WNK1: variants seen among roughly 807,000 people sequenced by gnomAD.
The protein encoded by WNK1 is serine/threonine-protein kinase WNK1.
WNK1 carries 38 observed loss-of-function variants against 222.8 expected under a neutral mutation model. That is an observed-to-expected ratio of 0.17 (90% CI 0.13 to 0.22). WNK1 has a LOEUF of 0.22. WNK1 is among the 10% of genes least tolerant of loss of function. The probability of loss-of-function intolerance (pLI) is 1.00; values close to 1 mark genes in which losing one functional copy is unlikely to be tolerated. For synonymous variants in WNK1, 1,090 were observed against 1,092.9 expected, an observed-to-expected ratio of 1.00 and a Z score of 0.05; for missense variants, 2,348 against 2,918.4, an observed-to-expected ratio of 0.80 and a Z score of 4.50.
intron 20 of WNK1, 113 bp from the exon 21 acceptor site, chr12:889,027 T>C: frequency 1.2e-6 from 1 of 842,512 alleles, no homozygotes; most frequent in Non-Finnish European, 2.1e-6. Flanking sequence ...TAAAGACAAA[T>C]GTTATGTTGT....
chr12:908,735 C>T lies in WNK1; in HGVS notation c.7092C>T (p.Ile2364=). 1 of 1,613,836 alleles carries T rather than the reference C, an allele frequency of 6.2e-7. No homozygotes were observed. The highest frequency in any genetic ancestry group is 8.5e-7 in the Non-Finnish European group (1 of 1,179,998). ...VGTASLQNFN[I]SNLQKSISNP... is the part of the protein sequence containing the mutation. The stretch of plus-strand genomic sequence containing the variant: ...CTGCCTCCTTGCAGAATTTCAACAT[C>T]AGCAATTTGCAGAAATCCATCAGCA... Residue 2364 remains isoleucine (I), a synonymous_variant, in exon 28 of 28, where the codon ATC becomes ATT. Coordinates refer to ENST00000315939, the MANE Select transcript of WNK1 (RefSeq NM_018979.4).
chr12:843,137 G>T (rs1265903580), intron 4 of WNK1, among the ~76,000 whole-genome samples: 1 of 152,024 alleles, frequency 6.6e-6, no homozygotes, highest in African/African-American at 2.4e-5. Flanking sequence ...GGGTTTTACC[G>T]TGTTAGTCAG....
In WNK1 at chr12:862,218, C is replaced by T. The variant is rs1188719384; in HGVS notation, c.2087C>T (p.Ser696Phe). 1 of 1,614,004 alleles carries T rather than the reference C, an allele frequency of 6.2e-7. No homozygotes were observed. Among genetic ancestry groups the T allele is most frequent in the Non-Finnish European group, 8.5e-7 (1 of 1,180,004 alleles). The change falls in exon 8 of 28, where the codon TCT becomes TTT. Residue 696 changes from serine to phenylalanine, a missense_variant. Transcript: ENST00000315939. ...GGCACAGTCCCAGGGCATATACCTT[C>T]TACTGTCCAAGCACAGTCTCAGCCC... ...STGTVPGHIP[S>F]TVQAQSQPHG... is the part of the protein sequence containing the mutation.
rs188803386 is a variant in WNK1 at position 764,980 on chromosome 12, C to T, written c.759+10656C>T. Among the ~76,000 whole-genome samples, 17 of 147,362 alleles carry T rather than the reference C, an allele frequency of 1.2e-4. 1 individual carries two copies. Among genetic ancestry groups the T allele is most frequent in the Admixed American group, 1.1e-3 (16 of 14,836 alleles). On this transcript the variant is annotated intron_variant, in intron 1 of 27. Coordinates refer to ENST00000315939, the MANE Select transcript of WNK1 (RefSeq NM_018979.4). ...CCTCCTGAGTAGCTGGGATTACAGG[C>T]ACGTGCCACCACACCCAGCTAATTT...
rs1948431738 is a variant in WNK1, at chr12:827,386, G to A, written c.1153+124G>A. On this transcript the variant is annotated intron_variant, in intron 3 of 27. Coordinates refer to ENST00000315939, the MANE Select transcript of WNK1 (RefSeq NM_018979.4). The surrounding 1 kb of genome is among the most constrained non-coding windows in gnomAD (Gnocchi z 4.6). The stretch of plus-strand genomic sequence containing the variant: ...GAAATTCATAGCTTGAACTCAGGAG[G>A]TGATCCATTGTACTTATGAGATATA... 2 of 810,212 alleles carry A rather than the reference G, an allele frequency of 2.5e-6. No individual in the cohort carries two copies. The highest frequency in any genetic ancestry group is 2.6e-5 in the East Asian group (1 of 38,206). 50.2% of individuals were successfully genotyped at this position (810,212 alleles called of 1,614,324 possible).
In WNK1 at chr12:897,667, G is replaced by T; in HGVS notation, c.6434G>T (p.Ser2145Ile). 6.2e-7 allele frequency: 1 copy of T among 1,614,176 alleles called. No homozygotes were observed. The highest frequency in any genetic ancestry group is 1.1e-5 in the South Asian group (1 of 91,086). Residue 2145 changes from serine (S) to isoleucine (I), a missense_variant, in exon 25 of 28, where the codon AGC (serine) becomes ATC (isoleucine). Ser to Ile is a moderately radical substitution (Grantham distance 142, BLOSUM62 -2). Transcript: ENST00000315939. Reference sequence around the variant, plus strand: ...CGAAGCAGTTCCTTGGGGAATAAAAGCCCCCAGCTTTCAGGTAAAAAGCCC... The same window carrying T: ...CGAAGCAGTTCCTTGGGGAATAAAATCCCCCAGCTTTCAGGTAAAAAGCCC... ...SSRSSSLGNK[S>I]PQLSGNLSGQ...
chr12:804,913 T>TTTTTATATTTTAA (rs1946224575), intron 1 of WNK1, among the ~76,000 whole-genome samples: 1 of 122,074 alleles, frequency 8.2e-6, no homozygotes, highest in African/African-American at 3.0e-5. Context: ...TTATATTTTA[T>TTTTTATATTTTAA]ATATATAATT....
intron 4 of WNK1, among the ~76,000 whole-genome samples, chr12:847,375 T>A (rs1327016169): frequency 1.3e-5 from 2 of 152,146 alleles, no homozygotes; most frequent in Non-Finnish European, 2.9e-5. Context: ...ATTGTATGTA[T>A]ATATGATTTG....
chr12:876,427 A>G (rs1217782521), intron 9 of WNK1, among the ~76,000 whole-genome samples: 1 of 152,192 alleles, frequency 6.6e-6, no homozygotes, highest in African/African-American at 2.4e-5. Context: ...AGAATACATT[A>G]TCAGAAATAA....
At chr12:771,867 C>T (rs933435841) in intron 1 of WNK1, among the ~76,000 whole-genome samples, 1 of 152,048 alleles carries the variant, frequency 6.6e-6, no homozygotes, top group African/African-American at 2.4e-5. Flanking sequence ...CTAGGCTGGT[C>T]TTGAACTTCT....
At chr12:776,621 A>G (rs1335491840) in intron 1 of WNK1, among the ~76,000 whole-genome samples, 1 of 151,736 alleles carries the variant, frequency 6.6e-6, no homozygotes, top group Admixed American at 6.6e-5. Flanking sequence ...TAGGAGAGAC[A>G]GGGTTTCACC....
chr12:881,996 A>G lies in WNK1; in HGVS notation c.3295A>G (p.Lys1099Glu), dbSNP rs1250342922. 1.9e-6 allele frequency: 3 copies of G among 1,614,100 alleles called. No homozygotes were observed. Among genetic ancestry groups the G allele is most frequent in the Non-Finnish European group, 1.7e-6 (2 of 1,180,034 alleles). Residue 1099 changes from lysine (K) to glutamate (E), a missense_variant, in exon 14 of 28, where the codon AAA (lysine) becomes GAA (glutamate). Physicochemically the swap from Lys to Glu is moderately conservative, Grantham distance 56. Transcript: ENST00000315939. ...SSGRHEGRTT[K>E]RHYRKSVRSR... ...TGGAAGGCATGAAGGAAGAACTACAAAACGGCATTACCGAAAATCTGTAAG... is the reference window on the plus strand; with the variant it reads ...TGGAAGGCATGAAGGAAGAACTACAGAACGGCATTACCGAAAATCTGTAAG...
rs538926745 is a variant in WNK1, at chr12:814,479, T to C, written c.932+665T>C. Among the ~76,000 whole-genome samples, 3 of 152,352 alleles carry C rather than the reference T, an allele frequency of 2.0e-5. No homozygotes were observed. The East Asian group carries it at 5.8e-4, about 29-fold the overall frequency. ...CTGCAACTTTTATATCAGATGCAGATTATATTGTGACAGTTATCACTTAAA... is the reference window on the plus strand; with the variant it reads ...CTGCAACTTTTATATCAGATGCAGACTATATTGTGACAGTTATCACTTAAA... On this transcript the variant is annotated intron_variant, in intron 2 of 27. Coordinates refer to ENST00000315939, the MANE Select transcript of WNK1 (RefSeq NM_018979.4).
rs1475854150 is a variant in WNK1, at chr12:880,742, C to T, written c.2854C>T (p.Pro952Ser). Residue 952 changes from proline to serine, a missense_variant, in exon 12 of 28, where the codon CCA (proline) becomes TCA (serine). By Grantham distance (74) the Pro-to-Ser change is moderately conservative. Coordinates refer to ENST00000315939, the MANE Select transcript of WNK1 (RefSeq NM_018979.4). The part of the protein sequence containing the change: ...LYQGFPPRLP[P>S]QYPGDSNIAP... ...ACAGGGCTTCCCACCTCGACTGCCA[C>T]CACAGTACCCAGGAGATTCAAATAT... 1.2e-6 allele frequency: 2 copies of T among 1,613,854 alleles called. No homozygotes were observed. Among genetic ancestry groups the T allele is most frequent in the African/African-American group, 2.7e-5 (2 of 74,820 alleles).
At chr12:811,386 AG>A (rs1946892421) in intron 1 of WNK1, among the ~76,000 whole-genome samples, 1 of 152,156 alleles carries the variant, frequency 6.6e-6, no homozygotes, top group South Asian at 2.1e-4. Flanking sequence ...CAAAATATTT[AG>A]GGTTTGTTTG....
At chr12:766,413 C>G (rs1424129611) in intron 1 of WNK1, among the ~76,000 whole-genome samples, 1 of 152,060 alleles carries the variant, frequency 6.6e-6, no homozygotes, top group Admixed American at 6.6e-5. Flanking sequence ...AAACATTGAA[C>G]TGTCATGTTT....
Position 753,718 on chromosome 12 carries a change from C to T in WNK1, c.153C>T (p.Thr51=), listed in dbSNP as rs1181342122. The T allele has an allele frequency of 6.2e-7, 1 of 1,611,926 alleles. No individual in the cohort carries two copies. The highest frequency in any genetic ancestry group is 8.5e-7 in the Non-Finnish European group (1 of 1,179,804). Residue 51 remains threonine (T), a synonymous_variant, in exon 1 of 28, where the codon ACC becomes ACT. Transcript: ENST00000315939. The surrounding 1 kb of genome is among the most constrained non-coding windows in gnomAD (Gnocchi z 5.2). The part of the protein sequence containing the change: ...AAAADAVTGR[T]EEYRRRRHTM... ...CCGCCGACGCTGTGACCGGCAGGAC[C>T]GAGGAGTACAGGCGCCGCCGCCACA...
intron 1 of WNK1, among the ~76,000 whole-genome samples, chr12:787,813 A>G (rs1944455710): frequency 6.6e-6 from 1 of 152,072 alleles, no homozygotes; most frequent in African/African-American, 2.4e-5. Flanking sequence ...GTTGTCATGG[A>G]TATGTGGATG....
At chr12:788,339 G>A (rs866006995) in intron 1 of WNK1, among the ~76,000 whole-genome samples, 1 of 151,974 alleles carries the variant, frequency 6.6e-6, no homozygotes, top group South Asian at 2.1e-4. Context: ...AAGCTACTGT[G>A]TGTAATACTA....
Sources: allele counts gnomAD v4.1 joint callset (sites outside exome capture counted in the v4.1 genomes callset), GRCh38; gene constraint gnomAD v4.1.1; non-coding constraint Gnocchi (gnomAD v3.1); transcripts MANE v1.5; gene names NCBI Gene and HGNC (gene_info 2026-07-23, HGNC 2026-07-21).